Variants in NRDE2 observed in about 807,000 individuals in gnomAD.
The protein encoded by NRDE2 is nuclear exosome regulator NRDE2.
NRDE2 carries 76 observed loss-of-function variants against 124.2 expected under a neutral mutation model. The observed-to-expected ratio is 0.61, with a 90% CI of 0.51 to 0.74. The LOEUF (loss-of-function observed/expected upper bound fraction) is 0.74, where lower values mean the gene tolerates loss of function less well. Ranked by LOEUF, NRDE2 falls within the 30% of genes least tolerant of loss-of-function variation. The pLI is 0.00. For synonymous variants in NRDE2, 489 were observed against 528.1 expected, an observed-to-expected ratio of 0.93 and a Z score of 1.01; for missense variants, 1,314 against 1,417.3, an observed-to-expected ratio of 0.93 and a Z score of 1.17.
chr14:90,278,913 A>G (rs540903173), intron 13 of NRDE2, 149 bp downstream of exon 13: 7 of 679,528 alleles, frequency 1.0e-5, no homozygotes, highest in Admixed American at 2.4e-5. Context: ...TCACCAGGAA[A>G]AGGCTCTGGA....
intron 9 of NRDE2, among the ~76,000 whole-genome samples, chr14:90,291,624 T>G (rs1892273390): frequency 6.6e-6 from 1 of 152,074 alleles, no homozygotes; most frequent in Non-Finnish European, 1.5e-5. Flanking sequence ...GCCTCCCAGG[T>G]AAGTACCCTC....
In NRDE2 at chr14:90,274,478, G is replaced by A. The variant is rs1027986103; in HGVS notation, c.*3858C>T. On this transcript the variant is annotated 3_prime_UTR_variant, in exon 14 of 14. Coordinates refer to ENST00000354366, the MANE Select transcript of NRDE2 (RefSeq NM_017970.4). ...AACAAGAACGACCTCTGTCCACTGG[G>A]AGCACCTGGGAACAGTGACACCCCA... 54 of 152,632 alleles carry A rather than the reference G, an allele frequency of 3.5e-4. No homozygotes were observed. Among genetic ancestry groups the A allele is most frequent in the African/African-American group, 1.3e-3 (54 of 41,500 alleles). The allele number at this position is 152,632 out of a possible 1,614,324, so 9.5% of individuals were successfully genotyped here.
Position 90,331,866 on chromosome 14 carries a change from A to C in NRDE2, c.39T>G (p.Ala13=). 1.2e-6 allele frequency: 2 copies of C among 1,614,008 alleles called. No individual in the cohort carries two copies. Among genetic ancestry groups the C allele is most frequent in the Non-Finnish European group, 1.7e-6 (2 of 1,180,018 alleles). The change falls in exon 1 of 14, where the codon GCT becomes GCG. Residue 13 remains alanine (A), a synonymous_variant. Transcript: ENST00000354366. ...CTTTCCTGGAGCTCCCGCCATCGGG[A>C]GCCTCACTAAGCCCCGCAAAGGCTG... ...LFPAFAGLSE[A]PDGGSSRKEL...
chr14:90,304,107 G>A lies in NRDE2; in HGVS notation c.833C>T (p.Ser278Leu). ...CTGTCCTTGTAGCCAATGTGTGGTT[G>A]ACTGATCATAAATCCCCAGAGGATT... ...WLNPLGIYDQ[S>L]TTHWLQGQGP... Residue 278 changes from serine to leucine, a missense_variant, in exon 5 of 14, where the codon TCA becomes TTA. Ser to Leu is a moderately radical substitution (Grantham distance 145). Coordinates refer to ENST00000354366, the MANE Select transcript of NRDE2 (RefSeq NM_017970.4). 1 of 1,614,198 alleles carries A rather than the reference G, an allele frequency of 6.2e-7. No homozygotes were observed. Among genetic ancestry groups the A allele is most frequent in the Non-Finnish European group, 8.5e-7 (1 of 1,180,044 alleles).
chr14:90,282,665 C>A (rs1187941454), intron 12 of NRDE2, among the ~76,000 whole-genome samples: 1 of 151,876 alleles, frequency 6.6e-6, no homozygotes, highest in Non-Finnish European at 1.5e-5. Context: ...AGCTTTAATT[C>A]CTTCAAACTT....
chr14:90,268,505 A>ATGGCACAGCAAGAACTG lies in NRDE2; in HGVS notation c.*9830_*9831insCAGTTCTTGCTGTGCCA. ...TGAGCAATCTCAGGGGGCTCTCCCT[A>ATGGCACAGCAAGAACTG]TGGCCACAGTTCTTGCTGTGCGTGG... On this transcript the variant is annotated 3_prime_UTR_variant, in exon 14 of 14. Coordinates refer to ENST00000354366, the MANE Select transcript of NRDE2 (RefSeq NM_017970.4). 7.8e-7 allele frequency: 1 copy of ATGGCACAGCAAGAACTG among 1,277,302 alleles called. No individual in the cohort carries two copies. Among genetic ancestry groups the ATGGCACAGCAAGAACTG allele is most frequent in the Non-Finnish European group, 1.1e-6 (1 of 898,400 alleles). The allele number at this position is 1,277,302 out of a possible 1,614,324, so 79.1% of individuals were successfully genotyped here. A position where few individuals can be genotyped will look rare whatever the true frequency, so the allele number is the denominator to read the frequency against.
intron 3 of NRDE2, 93 bp downstream of exon 3, chr14:90,316,485 A>C: frequency 1.1e-6 from 1 of 878,462 alleles, no homozygotes; most frequent in South Asian, 1.6e-5. Flanking sequence ...CTGAGTGACT[A>C]AATGGTTATT....
chr14:90,309,136 T>C (rs755089365), intron 4 of NRDE2, among the ~76,000 whole-genome samples: 1 of 151,618 alleles, frequency 6.6e-6, no homozygotes, highest in African/African-American at 2.4e-5. Flanking sequence ...AGTCCATGCA[T>C]GTGAGTTGGG....
intron 6 of NRDE2, 136 bp from the exon 7 acceptor site, chr14:90,301,508 T>C: frequency 2.6e-6 from 2 of 766,176 alleles, no homozygotes; most frequent in Non-Finnish European, 4.2e-6. Context: ...AAAGCTGTGA[T>C]ACATGTCTTG....
Position 90,267,952 on chromosome 14 carries a change from G to A in NRDE2, c.*10384C>T. On this transcript the variant is annotated 3_prime_UTR_variant, in exon 14 of 14. Coordinates refer to ENST00000354366, the MANE Select transcript of NRDE2 (RefSeq NM_017970.4). Reference sequence around the variant, plus strand: ...GCTTTTCAGGGGAAACTGGGTCAAGGTTGGAAAATAACCAAGTAAAAAGTA... The same window carrying A: ...GCTTTTCAGGGGAAACTGGGTCAAGATTGGAAAATAACCAAGTAAAAAGTA... 1 of 327,424 alleles carries A rather than the reference G, an allele frequency of 3.1e-6. No homozygotes were observed. The highest frequency in any genetic ancestry group is 5.5e-6 in the Non-Finnish European group (1 of 180,380). The allele number at this position is 327,424 out of a possible 1,614,324, so 20.3% of individuals were successfully genotyped here. A position where few individuals can be genotyped will look rare whatever the true frequency, so the allele number is the denominator to read the frequency against.
At chr14:90,294,382 G>A (rs1892353218) in intron 8 of NRDE2, among the ~76,000 whole-genome samples, 1 of 151,884 alleles carries the variant, frequency 6.6e-6, no homozygotes, top group African/African-American at 2.4e-5. Flanking sequence ...TGAAAGCAGA[G>A]TCTCAAACAG....
rs548710589 is a variant in NRDE2 at position 90,301,258 on chromosome 14, T to C, written c.1526A>G (p.Asp509Gly). Reference sequence around the variant, plus strand: ...GGGTACCTGTCCTTTGGTAGGCAGATCTTTCACGCTGTCGGGTTTGAAGAA... The same window carrying C: ...GGGTACCTGTCCTTTGGTAGGCAGACCTTTCACGCTGTCGGGTTTGAAGAA... ...FTFFKPDSVK[D>G]LPTKGQVEFF... The change falls in exon 7 of 14, where the codon GAT becomes GGT. Residue 509 changes from aspartate to glycine, a missense_variant. Coordinates refer to ENST00000354366, the MANE Select transcript of NRDE2 (RefSeq NM_017970.4). 101 of 1,613,660 alleles carry C rather than the reference T, an allele frequency of 6.3e-5. No homozygotes were observed. In the South Asian group the frequency reaches 1.0e-3, roughly 16 times the overall value.
chr14:90,307,568 A>C (rs1370543191), intron 4 of NRDE2, among the ~76,000 whole-genome samples: 1 of 152,078 alleles, frequency 6.6e-6, no homozygotes, highest in Non-Finnish European at 1.5e-5. Context: ...TCTACTAAAA[A>C]TACAAAATTT....
At position 90,289,039 on chromosome 14, in the gene NRDE2, T is replaced by C. The variant is rs375535926; in HGVS notation, c.2336A>G (p.Asn779Ser). Residue 779 changes from asparagine to serine, a missense_variant, in exon 11 of 14, where the codon AAC becomes AGC. Asn to Ser is a conservative substitution (Grantham distance 46). Coordinates refer to ENST00000354366, the MANE Select transcript of NRDE2 (RefSeq NM_017970.4). The part of the protein sequence containing the change: ...NLLKEPENCN[N>S]FCLWKQYAHL... ...TGCATACTGCTTCCACAGGCAAAAG[T>C]TGTTGCAGTTTTCTGGCTCCTTAAG... 14 of 1,614,040 alleles carry C rather than the reference T, an allele frequency of 8.7e-6. No homozygotes were observed. The Admixed American group carries it at 1.0e-4, about 12-fold the overall frequency.
intron 4 of NRDE2, among the ~76,000 whole-genome samples, chr14:90,309,039 G>A (rs1027526698): frequency 5.9e-5 from 9 of 152,000 alleles, no homozygotes; most frequent in African/African-American, 1.9e-4. Flanking sequence ...TCAGGAGATT[G>A]AGAACATCCT....
At chr14:90,329,246 C>T (rs1015920939) in intron 1 of NRDE2, among the ~76,000 whole-genome samples, 1 of 152,164 alleles carries the variant, frequency 6.6e-6, no homozygotes, top group Non-Finnish European at 1.5e-5. Flanking sequence ...CACCACCAGC[C>T]CAACCATATT....
chr14:90,288,165 A>G, intron 11 of NRDE2, 52 bp downstream of exon 11: 3 of 1,534,426 alleles, frequency 2.0e-6, no homozygotes, highest in Non-Finnish European at 2.7e-6. Flanking sequence ...GCAACACAGC[A>G]AGCATTCCAT....
chr14:90,305,535 T>C (rs145909881), intron 4 of NRDE2, among the ~76,000 whole-genome samples: 168 of 152,288 alleles, frequency 1.1e-3, no homozygotes, highest in African/African-American at 2.5e-3. Flanking sequence ...TGTCCATCAA[T>C]AGAAGATGGA....
At chr14:90,311,256 G>A (rs1342952186) in intron 4 of NRDE2, among the ~76,000 whole-genome samples, 2 of 152,184 alleles carry the variant, frequency 1.3e-5, no homozygotes, top group Non-Finnish European at 2.9e-5. Context: ...CAGACTGTGT[G>A]TTATTGTTCT....
Sources: allele counts gnomAD v4.1 joint callset (sites outside exome capture counted in the v4.1 genomes callset), GRCh38; gene constraint gnomAD v4.1.1; transcripts MANE v1.5; gene names NCBI Gene and HGNC (gene_info 2026-07-23, HGNC 2026-07-21).